USP25: variants seen among roughly 807,000 people sequenced by gnomAD.
USP25 encodes the protein ubiquitin carboxyl-terminal hydrolase 25.
USP25 carries 85 observed loss-of-function variants against 158.5 expected under a neutral mutation model. The ratio of observed to expected loss-of-function variants is 0.54; its 90% confidence interval spans 0.45 to 0.64. USP25 has a LOEUF of 0.64. USP25 is among the 30% of genes least tolerant of loss of function. The pLI, the probability that USP25 is intolerant of heterozygous loss-of-function variation, is 0.00. For missense variants in USP25, 1,242 were observed against 1,327.3 expected, an observed-to-expected ratio of 0.94 and a Z score of 1.00; for synonymous variants, 464 against 460.4, an observed-to-expected ratio of 1.01 and a Z score of -0.10.
intron 20 of USP25, among the ~76,000 whole-genome samples, chr21:15,859,281 C>T (rs980011887): frequency 2.0e-5 from 3 of 151,692 alleles, no homozygotes; most frequent in African/African-American, 7.3e-5. Context: ...CAGGCTCCGC[C>T]TCCCGGGTTC....
intron 5 of USP25, among the ~76,000 whole-genome samples, chr21:15,796,242 G>T (rs1297068100): frequency 6.6e-6 from 1 of 151,432 alleles, no homozygotes; most frequent in African/African-American, 2.4e-5. Context: ...TTTGGGACTT[G>T]AAAAACTTAA....
intron 11 of USP25, 74 bp from the exon 12 acceptor site, chr21:15,824,892 T>G (rs1601036565): frequency 8.2e-7 from 1 of 1,220,948 alleles, no homozygotes. Context: ...GTAGGCCGGG[T>G]ACGCTGGCAT....
At chr21:15,823,037 G>T (rs2037311951) in intron 10 of USP25, among the ~76,000 whole-genome samples, 1 of 151,942 alleles carries the variant, frequency 6.6e-6, no homozygotes, top group Non-Finnish European at 1.5e-5. Context: ...CCAGATGTGT[G>T]CCATTCATGC....
chr21:15,808,831 A>C lies in USP25; in HGVS notation c.803A>C (p.His268Pro). 1 of 1,609,116 alleles carries C rather than the reference A, an allele frequency of 6.2e-7. No individual in the cohort carries two copies. Among genetic ancestry groups the C allele is most frequent in the East Asian group, 2.2e-5 (1 of 44,720 alleles). Residue 268 changes from histidine (H) to proline (P), a missense_variant, in exon 8 of 26, where the codon CAC (histidine) becomes CCC (proline). This residue lies in a region of USP25 where 627 missense variants were observed against 701.4 expected (regional missense o/e 0.89). Coordinates refer to ENST00000400183, the MANE Select transcript of USP25 (RefSeq NM_001283041.3). The part of the protein sequence containing the change: ...SQQQDVSEFT[H>P]KLLDWLEDAF... ...CAGCAAGATGTGAGTGAGTTTACAC[A>C]CAAATTATTAGATTGGTTAGAAGAT...
chr21:15,798,779 T>C (rs1213155524), intron 5 of USP25, among the ~76,000 whole-genome samples: 2 of 151,310 alleles, frequency 1.3e-5, no homozygotes, highest in Non-Finnish European at 3.0e-5. Flanking sequence ...TGTTAATTGA[T>C]CTATGTAATC....
chr21:15,800,067 G>A (rs957220068), intron 6 of USP25, among the ~76,000 whole-genome samples: 1 of 150,740 alleles, frequency 6.6e-6, no homozygotes, highest in Non-Finnish European at 1.5e-5. Context: ...TTTTGGTGTC[G>A]CTTTAGTAAT....
chr21:15,873,151 G>A (rs917429226), intron 23 of USP25, among the ~76,000 whole-genome samples: 4 of 151,762 alleles, frequency 2.6e-5, no homozygotes, highest in South Asian at 2.1e-4. Flanking sequence ...GCTCTGTTGC[G>A]CAGGCTGGAA....
At position 15,847,739 on chromosome 21, in the gene USP25, T is replaced by C. The variant is rs938576944; in HGVS notation, c.2414T>C (p.Phe805Ser). Residue 805 changes from phenylalanine (F) to serine (S), a missense_variant, in exon 19 of 26, where the codon TTT becomes TCT. Around this residue, in one of 3 missense-constraint regions of USP25, gnomAD observed 608 missense variants for 605.2 expected, o/e 1.00. Coordinates refer to ENST00000400183, the MANE Select transcript of USP25 (RefSeq NM_001283041.3). Reference protein sequence around the residue: ...VEVAIPHVGKFMIESKEGGYD... With the variant: ...VEVAIPHVGKSMIESKEGGYD... ...GTGGCGATCCCTCATGTAGGGAAAT[T>C]TATGATTGAATCAAAGGAGGGGGGG... 1.4e-5 allele frequency: 21 copies of C among 1,550,072 alleles called. No homozygotes were observed. The highest frequency in any genetic ancestry group is 3.3e-4 in the Middle Eastern group (2 of 6,012).
At chr21:15,799,373 G>A (rs891950826) in intron 5 of USP25, among the ~76,000 whole-genome samples, 2 of 151,002 alleles carry the variant, frequency 1.3e-5, no homozygotes, top group Admixed American at 1.3e-4. Context: ...AAATTTATTT[G>A]TACTCCATTT....
At chr21:15,775,927 A>G (rs1568789007) in intron 3 of USP25, among the ~76,000 whole-genome samples, 2 of 151,916 alleles carry the variant, frequency 1.3e-5, no homozygotes, top group African/African-American at 4.8e-5. Flanking sequence ...GAGTTAATGG[A>G]ATCTGACCGC....
intron 21 of USP25, among the ~76,000 whole-genome samples, chr21:15,865,263 A>T (rs2039605625): frequency 6.6e-6 from 1 of 152,112 alleles, no homozygotes; most frequent in African/African-American, 2.4e-5. Flanking sequence ...ATTGAAAGTT[A>T]TTTTCATATA....
At chr21:15,836,281 CATATT>C (rs1325353751) in intron 17 of USP25, among the ~76,000 whole-genome samples, 1 of 152,110 alleles carries the variant, frequency 6.6e-6, no homozygotes, top group Non-Finnish European at 1.5e-5. Context: ...AGTACTAATT[CATATT>C]ATATTAATCA....
intron 1 of USP25, among the ~76,000 whole-genome samples, chr21:15,741,288 C>CTTTTTTTTTTT: frequency 7.2e-6 from 1 of 139,772 alleles, no homozygotes; most frequent in Non-Finnish European, 1.6e-5. Context: ...TTTTGATGTA[C>CTTTTTTTTTTT]TTTTTTTTTT....
At chr21:15,859,991 A>ATATATATATAT (rs1315516466) in intron 20 of USP25, among the ~76,000 whole-genome samples, 2 of 131,140 alleles carry the variant, frequency 1.5e-5, no homozygotes, top group African/African-American at 5.7e-5. Context: ...ATATATCTAT[A>ATATATATATAT]TTTTTTTTTT....
At chr21:15,834,595 A>G (rs1298444950) in intron 17 of USP25, among the ~76,000 whole-genome samples, 8 of 152,228 alleles carry the variant, frequency 5.3e-5, no homozygotes, top group African/African-American at 9.6e-5. Context: ...TATTACTTCA[A>G]TAGAAGATTG....
intron 23 of USP25, among the ~76,000 whole-genome samples, chr21:15,871,368 G>A (rs1319885185): frequency 2.0e-5 from 3 of 152,062 alleles, no homozygotes; most frequent in Admixed American, 1.3e-4. Context: ...TTATATTTGT[G>A]CTGATTTGAG....
At chr21:15,747,046 G>T (rs1425882260) in intron 1 of USP25, among the ~76,000 whole-genome samples, 1 of 151,940 alleles carries the variant, frequency 6.6e-6, no homozygotes, top group Non-Finnish European at 1.5e-5. Context: ...TAAACTATTT[G>T]TTTATATATC....
chr21:15,745,701 C>G (rs919828224), intron 1 of USP25, among the ~76,000 whole-genome samples: 1 of 152,096 alleles, frequency 6.6e-6, no homozygotes, highest in Admixed American at 6.5e-5. Flanking sequence ...GTCTCGAACT[C>G]GCGACCTCAG....
intron 1 of USP25, among the ~76,000 whole-genome samples, chr21:15,746,933 T>TAAAAG (rs1170452379): frequency 6.6e-6 from 1 of 152,244 alleles, no homozygotes; most frequent in Non-Finnish European, 1.5e-5. Context: ...AGCAGTCTTT[T>TAAAAG]ACTACTAAGT....
Sources: gnomAD v4.1 joint callset for allele counts (sites outside exome capture counted in the v4.1 genomes callset) on GRCh38, gnomAD v4.1.1 for gene constraint, gnomAD v4.1.1 regional missense constraint, MANE v1.5 for transcripts, NCBI Gene and HGNC (gene_info 2026-07-23, HGNC 2026-07-21) for gene names.